The following GRK5 variants were observed in gnomAD, a reference collection of about 807,000 sequenced individuals.
GRK5 encodes g protein-coupled receptor kinase GRK5.
A neutral mutation model predicts 78.4 loss-of-function variants in GRK5; 40 were observed. The observed-to-expected ratio is 0.51, with a 90% confidence interval of 0.40 to 0.66. The LOEUF (loss-of-function observed/expected upper bound fraction) is 0.66. Among genes scored for constraint, GRK5 ranks in the 30% least tolerant of loss-of-function variants. The pLI is 0.00. For synonymous variants in GRK5, 289 were observed against 296.8 expected, an observed-to-expected ratio of 0.97 and a Z score of 0.27; for missense variants, 598 against 759.9, an observed-to-expected ratio of 0.79 and a Z score of 2.50.
chr10:119,347,845 G>T (rs1216999215), intron 2 of GRK5, among the ~76,000 whole-genome samples: 1 of 152,230 alleles, frequency 6.6e-6, no homozygotes, highest in African/African-American at 2.4e-5. Flanking sequence ...TGGGGGGCAG[G>T]GACAGCTTGG....
rs1309089198 is a variant in GRK5, at chr10:119,387,975, G to A, written c.261+7048G>A. Among the ~76,000 whole-genome samples the A allele has an allele frequency of 4.6e-5, 7 of 152,016 alleles. No homozygotes were observed. The South Asian group carries it at 1.0e-3, about 23-fold the overall frequency. On this transcript the variant is annotated intron_variant, in intron 3 of 15. Transcript: ENST00000392870. Reference sequence around the variant, plus strand: ...GAAGATTTTTTTTTTCTAGGAGGTGGAATCTCACTCTATTGCCCAGGCTGG... The same window carrying A: ...GAAGATTTTTTTTTTCTAGGAGGTGAAATCTCACTCTATTGCCCAGGCTGG...
chr10:119,418,258 G>C (rs918282076), intron 4 of GRK5, among the ~76,000 whole-genome samples: 6 of 152,208 alleles, frequency 3.9e-5, no homozygotes, highest in African/African-American at 1.4e-4. Context: ...CACAGAGCAG[G>C]CAGAGTGCCC....
chr10:119,409,021 G>T (rs1203297962), intron 4 of GRK5, among the ~76,000 whole-genome samples: 2 of 152,176 alleles, frequency 1.3e-5, no homozygotes, highest in African/African-American at 4.8e-5. Context: ...TGTAGCAGGG[G>T]GCAAGCAGCA....
intron 1 of GRK5, among the ~76,000 whole-genome samples, chr10:119,301,255 C>A (rs1850176978): frequency 1.3e-5 from 2 of 152,314 alleles, no homozygotes; most frequent in South Asian, 2.1e-4. Flanking sequence ...CCCCATCTAC[C>A]TTGTGGTGGT....
At chr10:119,407,609 G>A (rs956932630) in intron 4 of GRK5, among the ~76,000 whole-genome samples, 10 of 152,236 alleles carry the variant, frequency 6.6e-5, no homozygotes, top group African/African-American at 2.2e-4. Flanking sequence ...TACTGTATGC[G>A]ACATGCTTTA....
chr10:119,254,346 C>T (rs1464888857), intron 1 of GRK5, among the ~76,000 whole-genome samples: 5 of 152,086 alleles, frequency 3.3e-5, no homozygotes, highest in Non-Finnish European at 7.4e-5. Context: ...CTGTTCTGCC[C>T]TACTTTAGTT....
At chr10:119,329,420 C>T (rs904008882) in intron 2 of GRK5, among the ~76,000 whole-genome samples, 9 of 152,210 alleles carry the variant, frequency 5.9e-5, no homozygotes, top group African/African-American at 9.6e-5. Context: ...CCATGAGGGA[C>T]GACACAGCAG....
chr10:119,248,306 G>C (rs192167507), intron 1 of GRK5, among the ~76,000 whole-genome samples: 3,297 of 152,242 alleles, frequency 0.022, 58 homozygotes, highest in Admixed American at 0.055. Flanking sequence ...AGCCACTATC[G>C]CTGGCTGTTG....
At chr10:119,209,192 C>T (rs2133692121) in intron 1 of GRK5, among the ~76,000 whole-genome samples, 1 of 152,278 alleles carries the variant, frequency 6.6e-6, no homozygotes, top group Admixed American at 6.5e-5. Flanking sequence ...TTGTGGCTCC[C>T]TACACACTGT....
chr10:119,275,358 G>A lies in GRK5; in HGVS notation c.53-51158G>A, dbSNP rs867618303. 3.1e-4 allele frequency among the ~76,000 whole-genome samples: 47 copies of A among 152,250 alleles called. 1 individual carries two copies. Among genetic ancestry groups the A allele is most frequent in the Middle Eastern group, 6.8e-3 (2 of 294 alleles). ...GAACCACCTTGGCTCTTTGACCTCG[G>A]TCAGGCTTGGATACCGGGCCTCCAG... On this transcript the variant is annotated intron_variant, in intron 1 of 15. Transcript: ENST00000392870.
intron 4 of GRK5, among the ~76,000 whole-genome samples, chr10:119,400,231 G>A (rs1836323669): frequency 6.6e-6 from 1 of 152,236 alleles, no homozygotes; most frequent in African/African-American, 2.4e-5. Context: ...CACGATGGGA[G>A]CAGTGGTGGA....
At chr10:119,361,538 G>T (rs1484768367) in intron 2 of GRK5, among the ~76,000 whole-genome samples, 1 of 152,232 alleles carries the variant, frequency 6.6e-6, no homozygotes, top group African/African-American at 2.4e-5. Context: ...GAGGGAAGAA[G>T]TTAATTAAGC....
intron 5 of GRK5, 61 bp from the exon 6 acceptor site, chr10:119,424,932 T>G (rs1190263910): frequency 8.4e-7 from 1 of 1,185,096 alleles, no homozygotes; most frequent in African/African-American, 1.5e-5. Context: ...GACACAGCTT[T>G]GCCCCCCTGC....
intron 2 of GRK5, among the ~76,000 whole-genome samples, chr10:119,352,944 C>G (rs113318620): frequency 0.016 from 2,438 of 152,324 alleles, 54 homozygotes; most frequent in African/African-American, 0.051. Flanking sequence ...TCCGTCCTCC[C>G]TCTCTCTCCC....
intron 1 of GRK5, among the ~76,000 whole-genome samples, chr10:119,280,652 T>A (rs959225127): frequency 2.0e-5 from 3 of 152,230 alleles, no homozygotes; most frequent in Admixed American, 6.5e-5. Context: ...AGAATTGGAA[T>A]TGCTAGATGC....
chr10:119,347,895 G>A (rs932787173), intron 2 of GRK5, among the ~76,000 whole-genome samples: 2 of 152,228 alleles, frequency 1.3e-5, no homozygotes, highest in Non-Finnish European at 2.9e-5. Flanking sequence ...GGTTGCAGTG[G>A]GGTGAATGCC....
intron 5 of GRK5, among the ~76,000 whole-genome samples, chr10:119,423,924 T>C (rs1343968273): frequency 1.3e-5 from 2 of 152,334 alleles, no homozygotes; most frequent in Middle Eastern, 3.4e-3. Flanking sequence ...CAGACATCAA[T>C]TGAGTACCTA....
Position 119,356,810 on chromosome 10 carries a change from G to C in GRK5, c.149-24005G>C, listed in dbSNP as rs1051878341. The stretch of plus-strand genomic sequence containing the variant: ...CCACTACCGATCCCTTTTCTCACAA[G>C]TTTTCAATGCAATCTACAGGAGGCT... On this transcript the variant is annotated intron_variant, in intron 2 of 15. Coordinates refer to ENST00000392870, the MANE Select transcript of GRK5 (RefSeq NM_005308.3). Among the ~76,000 whole-genome samples, 9 of 152,342 alleles carry C rather than the reference G, an allele frequency of 5.9e-5. No homozygotes were observed. The East Asian group carries it at 1.7e-3, about 29-fold the overall frequency.
intron 1 of GRK5, among the ~76,000 whole-genome samples, chr10:119,245,418 G>T (rs1459569675): frequency 1.3e-5 from 2 of 152,196 alleles, no homozygotes; most frequent in Non-Finnish European, 2.9e-5. Flanking sequence ...ACTGTGGCGT[G>T]TTCGTGCAAT....
Sources: allele counts gnomAD v4.1 joint callset (sites outside exome capture counted in the v4.1 genomes callset), GRCh38; gene constraint gnomAD v4.1.1; transcripts MANE v1.5; gene names NCBI Gene and HGNC (gene_info 2026-07-23, HGNC 2026-07-21).